Variants in ASRGL1 observed in about 807,000 individuals in gnomAD.
ASRGL1 encodes asparaginase and isoaspartyl peptidase 1.
In ASRGL1, 16 loss-of-function variants were observed where a neutral mutation model predicts 22.4. That is an observed-to-expected ratio of 0.71 (90% CI 0.48 to 1.08). The LOEUF (loss-of-function observed/expected upper bound fraction) is 1.08. Among genes scored for constraint, ASRGL1 ranks in the 50% least tolerant of loss-of-function variants. The probability of loss-of-function intolerance (pLI) is 0.00; values close to 1 mark genes in which losing one functional copy is unlikely to be tolerated. For synonymous variants in ASRGL1, 165 were observed against 159.3 expected (o/e 1.04, Z -0.27); for missense variants, 412 against 410.1 (o/e 1.00, Z -0.04).
Position 62,388,727 on chromosome 11 carries a change from AC to A in ASRGL1, c.492-405del, listed in dbSNP as rs1420401674. 2.0e-5 allele frequency among the ~76,000 whole-genome samples: 3 copies of A among 150,140 alleles called. No individual in the cohort carries two copies. In the East Asian group the frequency reaches 5.9e-4, roughly 29 times the overall value. On this transcript the variant is annotated intron_variant, in intron 4 of 6. Coordinates refer to ENST00000415229, the MANE Select transcript of ASRGL1 (RefSeq NM_001083926.2). ...GGTCCCAGCCTGTATCTACCAAGTC[AC>A]TTTTTCCTTTCCTTTCTCCTCTTGG...
intron 4 of ASRGL1, among the ~76,000 whole-genome samples, chr11:62,364,696 A>G (rs891660389): frequency 6.6e-6 from 1 of 152,234 alleles, no homozygotes; most frequent in African/African-American, 2.4e-5. Flanking sequence ...ATTTGCAGCA[A>G]CTTGATACTA....
At position 62,364,158 on chromosome 11, in the gene ASRGL1, C is replaced by CAAA. The variant is rs71053048; in HGVS notation, c.491+7032_491+7034dup. On this transcript the variant is annotated intron_variant, in intron 4 of 6. Transcript: ENST00000415229. ...TGGGTGACAGGGTAAGAGTCCGTCT[C>CAAA]AAAAAAAAAAAAAAAAAAAATCAGT... Among the ~76,000 whole-genome samples the CAAA allele has an allele frequency of 7.3e-3, 678 of 93,280 alleles. 28 individuals carry two copies. The highest frequency in any genetic ancestry group is 0.023 in the African/African-American group (520 of 22,240). 61.2% of individuals were successfully genotyped at this position (93,280 alleles called of 152,430 possible).
downstream of ASRGL1, among the ~76,000 whole-genome samples, chr11:62,397,548 C>G (rs1947446338): frequency 6.6e-6 from 1 of 151,608 alleles, no homozygotes; most frequent in African/African-American, 2.4e-5. Flanking sequence ...CCTGTAATCG[C>G]AGCTACTGGA....
At chr11:62,362,335 A>G (rs1213262562) in intron 4 of ASRGL1, among the ~76,000 whole-genome samples, 1 of 149,990 alleles carries the variant, frequency 6.7e-6, no homozygotes, top group Non-Finnish European at 1.5e-5. Context: ...ATTCAGCAAA[A>G]CCATAAAAAG....
intron 4 of ASRGL1, among the ~76,000 whole-genome samples, chr11:62,373,724 C>G (rs923721351): frequency 6.6e-6 from 1 of 152,248 alleles, no homozygotes; most frequent in Admixed American, 6.5e-5. Context: ...GGTGTCAGTT[C>G]TGTTTCTCCT....
At chr11:62,375,060 C>G (rs569497006) in intron 4 of ASRGL1, among the ~76,000 whole-genome samples, 1 of 151,848 alleles carries the variant, frequency 6.6e-6, no homozygotes, top group Non-Finnish European at 1.5e-5. Context: ...CTTAGATCTT[C>G]GGTGGCCTCA....
chr11:62,349,205 G>C (rs1424105957), intron 2 of ASRGL1, among the ~76,000 whole-genome samples: 1 of 152,156 alleles, frequency 6.6e-6, no homozygotes, highest in African/African-American at 2.4e-5. Flanking sequence ...CTGACCTCGT[G>C]ATCCTCTCAC....
intron 4 of ASRGL1, among the ~76,000 whole-genome samples, chr11:62,366,962 TGG>T (rs1445536914): frequency 3.3e-5 from 5 of 152,166 alleles, no homozygotes; most frequent in Non-Finnish European, 7.4e-5. Flanking sequence ...CCCAGCAGCT[TGG>T]GAGGCTGAGG....
intron 4 of ASRGL1, among the ~76,000 whole-genome samples, chr11:62,385,635 C>T (rs1199139096): frequency 2.6e-5 from 4 of 152,188 alleles, no homozygotes; most frequent in Non-Finnish European, 2.9e-5. Flanking sequence ...GTGGCTGAGG[C>T]GGGTGGATCA....
At chr11:62,345,979 G>C (rs1315664902) in intron 2 of ASRGL1, among the ~76,000 whole-genome samples, 1 of 152,158 alleles carries the variant, frequency 6.6e-6, no homozygotes, top group South Asian at 2.1e-4. Context: ...ACCAGTACCT[G>C]GGGGTTGGGG....
chr11:62,338,025 CA>C lies in ASRGL1; in HGVS notation c.50del (p.Lys17ArgfsTer32). On this transcript the variant is annotated frameshift_variant, in exon 2 of 7. Coordinates refer to ENST00000415229, the MANE Select transcript of ASRGL1 (RefSeq NM_001083926.2). LOFTEE classifies it high-confidence loss of function. ...VHGGGAGPIS[K>X]DRKERVHQGM... ...ACGGCGGCGGAGCCGGTCCCATCTC[CA>C]AGGATCGGAAGGAGCGAGTGCACCA... 1 of 1,608,104 alleles carries C rather than the reference CA, an allele frequency of 6.2e-7. No homozygotes were observed. The highest frequency in any genetic ancestry group is 8.5e-7 in the Non-Finnish European group (1 of 1,177,718).
chr11:62,394,742 A>G (rs1026162664), downstream of ASRGL1, among the ~76,000 whole-genome samples: 1 of 152,300 alleles, frequency 6.6e-6, no homozygotes, highest in Non-Finnish European at 1.5e-5. Flanking sequence ...TGACCTCTTT[A>G]GCTGGGCAGC....
intron 2 of ASRGL1, chr11:62,338,435 G>A: frequency 2.5e-6 from 1 of 397,110 alleles, no homozygotes; most frequent in Admixed American, 4.1e-5. Context: ...CTTCTGGAGA[G>A]ACATAAGATG....
At chr11:62,391,453 G>A (rs1444464220) in intron 5 of ASRGL1, 69 bp from the exon 6 acceptor site, 10 of 1,531,914 alleles carry the variant, frequency 6.5e-6, no homozygotes, top group Admixed American at 2.0e-5. Flanking sequence ...TTCATGTAGC[G>A]TCCGACTTCT....
Position 62,385,514 on chromosome 11 carries a change from A to T in ASRGL1, c.492-3619A>T, listed in dbSNP as rs193277994. On this transcript the variant is annotated intron_variant, in intron 4 of 6. Transcript: ENST00000415229. ...TATGTTCTGCTGTAAATAAAATTTTAAAAAATCCCAAATCTGCTGTTTTTA... is the reference window on the plus strand; with the variant it reads ...TATGTTCTGCTGTAAATAAAATTTTTAAAAATCCCAAATCTGCTGTTTTTA... Among the ~76,000 whole-genome samples, 9 of 152,302 alleles carry T rather than the reference A, an allele frequency of 5.9e-5. No homozygotes were observed. In the South Asian group the frequency reaches 6.2e-4, roughly 11 times the overall value.
At chr11:62,362,653 A>G (rs1252415841) in intron 4 of ASRGL1, among the ~76,000 whole-genome samples, 2 of 93,558 alleles carry the variant, frequency 2.1e-5, no homozygotes, top group African/African-American at 8.7e-5. Flanking sequence ...TATAATATAT[A>G]TTATATAAAA....
intron 5 of ASRGL1, 200 bp downstream of exon 5, chr11:62,389,451 C>T: frequency 1.5e-6 from 1 of 665,620 alleles, no homozygotes; most frequent in Non-Finnish European, 2.8e-6. Context: ...GTATCTGGCG[C>T]CACTGTTTTT....
At chr11:62,379,442 A>G (rs1334066889) in intron 4 of ASRGL1, among the ~76,000 whole-genome samples, 3 of 152,162 alleles carry the variant, frequency 2.0e-5, no homozygotes, top group Non-Finnish European at 2.9e-5. Context: ...ACCTTAATAT[A>G]AGGCAGGAGT....
chr11:62,362,545 TA>T (rs1946469839), intron 4 of ASRGL1, among the ~76,000 whole-genome samples: 1 of 27,178 alleles, frequency 3.7e-5, no homozygotes, highest in East Asian at 1.2e-3. Flanking sequence ...TTATATAAAA[TA>T]TATAACATAT....
Sources: gnomAD v4.1 joint callset for allele counts (sites outside exome capture counted in the v4.1 genomes callset) on GRCh38, gnomAD v4.1.1 for gene constraint, MANE v1.5 for transcripts, NCBI Gene and HGNC (gene_info 2026-07-23, HGNC 2026-07-21) for gene names.